KDM7A: variants seen among roughly 807,000 people sequenced by gnomAD.
KDM7A encodes lysine demethylase 7A.
KDM7A carries 28 observed loss-of-function variants against 114.8 expected under a neutral mutation model. The observed-to-expected ratio is 0.24, with a 90% CI of 0.18 to 0.33. The LOEUF (loss-of-function observed/expected upper bound fraction) is 0.33, where lower values mean the gene tolerates loss of function less well. Among genes scored for constraint, KDM7A ranks in the 10% least tolerant of loss-of-function variants. KDM7A has a pLI of 1.00. For synonymous variants in KDM7A, 423 were observed against 397.8 expected, an observed-to-expected ratio of 1.06 and a Z score of -0.75; for missense variants, 942 against 1,142.5, an observed-to-expected ratio of 0.82 and a Z score of 2.53.
chr7:140,112,055 TTTG>T (rs2116772971), intron 10 of KDM7A, among the ~76,000 whole-genome samples: 1 of 152,332 alleles, frequency 6.6e-6, no homozygotes, highest in East Asian at 1.9e-4. Context: ...CAACATATGC[TTTG>T]TTTTGTTTTT....
intron 11 of KDM7A, among the ~76,000 whole-genome samples, chr7:140,104,696 C>G (rs569614101): frequency 1.3e-5 from 2 of 152,234 alleles, no homozygotes; most frequent in Admixed American, 6.5e-5. Context: ...GTTACTGTAG[C>G]CTTGTAGTAT....
chr7:140,136,838 T>C (rs912091733), intron 2 of KDM7A, among the ~76,000 whole-genome samples: 2 of 151,934 alleles, frequency 1.3e-5, no homozygotes, highest in African/African-American at 4.8e-5. Context: ...AATACAAAAA[T>C]TAGCCAGGTG....
chr7:140,167,928 A>C (rs1794596304), intron 1 of KDM7A, among the ~76,000 whole-genome samples: 1 of 152,170 alleles, frequency 6.6e-6, no homozygotes, highest in Non-Finnish European at 1.5e-5. Flanking sequence ...GGGACAAAGG[A>C]CTAAAAGCTT....
At chr7:140,116,681 C>G (rs1305022910) in intron 9 of KDM7A, among the ~76,000 whole-genome samples, 1 of 152,004 alleles carries the variant, frequency 6.6e-6, no homozygotes, top group Non-Finnish European at 1.5e-5. Context: ...TCTATATAAT[C>G]AACTATTTTA....
At chr7:140,127,162 T>C (rs1286354796) in intron 5 of KDM7A, among the ~76,000 whole-genome samples, 1 of 152,218 alleles carries the variant, frequency 6.6e-6, no homozygotes, top group Non-Finnish European at 1.5e-5. Flanking sequence ...GGTTACGCCA[T>C]GTTGGCCAGG....
intron 1 of KDM7A, among the ~76,000 whole-genome samples, chr7:140,164,590 CAAAT>C (rs1197811526): frequency 6.6e-6 from 1 of 152,008 alleles, no homozygotes; most frequent in Non-Finnish European, 1.5e-5. Flanking sequence ...TTGATTCAAA[CAAAT>C]AGTGAAAAAA....
Position 140,176,618 on chromosome 7 carries a change from C to T in KDM7A, c.194+126G>A, listed in dbSNP as rs1794712662. 2.9e-6 allele frequency: 2 copies of T among 679,634 alleles called. No homozygotes were observed. The highest frequency in any genetic ancestry group is 3.6e-6 in the Non-Finnish European group (2 of 551,256). 42.1% of individuals were successfully genotyped at this position (679,634 alleles called of 1,614,324 possible). ...ACTGCCCGGCCGGGGGGCTAGGCAC[C>T]GGGGCCCCCTGAAAGCTGGGCGCGG... On this transcript the variant is annotated intron_variant, in intron 1 of 19. Transcript: ENST00000397560. This position sits in a 1 kb window ranked among gnomAD's most constrained non-coding sequence, Gnocchi z 4.4.
In KDM7A at chr7:140,124,666, A is replaced by G; in HGVS notation, c.1006T>C (p.Tyr336His). The change falls in exon 7 of 20, where the codon TAC becomes CAC. Residue 336 changes from tyrosine to histidine, a missense_variant. Transcript: ENST00000397560. ...VFFGDKVDKC[Y>H]KCVVKQGHTL... Reference sequence around the variant, plus strand: ...TGTCCCTGCTTTACCACACATTTGTAGCATTTATCCACCTTATCTCCAAAG... The same window carrying G: ...TGTCCCTGCTTTACCACACATTTGTGGCATTTATCCACCTTATCTCCAAAG... 1.9e-6 allele frequency: 3 copies of G among 1,613,780 alleles called. No homozygotes were observed. The highest frequency in any genetic ancestry group is 2.5e-6 in the Non-Finnish European group (3 of 1,179,862).
chr7:140,158,726 C>T (rs935877614), intron 1 of KDM7A, among the ~76,000 whole-genome samples: 10 of 152,168 alleles, frequency 6.6e-5, no homozygotes, highest in African/African-American at 2.4e-4. Context: ...GAAGCAATTG[C>T]AGTTAAGAAC....
rs751998980 is a variant in KDM7A at position 140,101,905 on chromosome 7, AG to A, written c.1638+45del. On this transcript the variant is annotated intron_variant, in intron 12 of 19. Transcript: ENST00000397560. ...TCTTATTATCCCTATAAAGACTTTA[AG>A]GAACAGCCAAGTTTCTTTTTGTTGT... 2.3e-6 allele frequency: 3 copies of A among 1,287,138 alleles called. No homozygotes were observed. The African/African-American group carries it at 4.4e-5, about 19-fold the overall frequency. The allele number at this position is 1,287,138 out of a possible 1,614,324, so 79.7% of individuals were successfully genotyped here.
chr7:140,125,909 T>G (rs1490160087), intron 6 of KDM7A, among the ~76,000 whole-genome samples: 1 of 148,160 alleles, frequency 6.7e-6, no homozygotes, highest in African/African-American at 2.5e-5. Context: ...CTACTTTTTT[T>G]ATTTTTATTT....
chr7:140,089,466 A>G lies in KDM7A; in HGVS notation c.*1628T>C, dbSNP rs1336925606. On this transcript the variant is annotated 3_prime_UTR_variant, in exon 20 of 20. Coordinates refer to ENST00000397560, the MANE Select transcript of KDM7A (RefSeq NM_030647.2). ...AAGTGATACTTAATAGAGAAGGGTA[A>G]GTCCTGCTATCTTGCTGAGTAAAAA... 1 of 152,176 alleles carries G rather than the reference A, an allele frequency of 6.6e-6. No individual in the cohort carries two copies. The highest frequency in any genetic ancestry group is 2.4e-5 in the African/African-American group (1 of 41,444). The allele number at this position is 152,176 out of a possible 1,614,324, so 9.4% of individuals were successfully genotyped here. A position where few individuals can be genotyped will look rare whatever the true frequency, so the allele number is the denominator to read the frequency against.
intron 9 of KDM7A, 59 bp from the exon 10 acceptor site, chr7:140,113,641 G>A (rs1818468049): frequency 8.2e-6 from 7 of 855,644 alleles, no homozygotes; most frequent in East Asian, 2.6e-5. Flanking sequence ...AAAGTTAAAG[G>A]GATTAACTTC....
At chr7:140,143,096 C>T (rs552331578) in intron 1 of KDM7A, among the ~76,000 whole-genome samples, 16 of 149,184 alleles carry the variant, frequency 1.1e-4, no homozygotes, top group Non-Finnish European at 2.4e-4. Context: ...AGGAGAACGG[C>T]ATGAACTCGG....
intron 9 of KDM7A, 84 bp downstream of exon 9, chr7:140,119,029 G>A: frequency 1.3e-6 from 1 of 746,032 alleles, no homozygotes; most frequent in Non-Finnish European, 2.3e-6. Flanking sequence ...TACTAGAAAA[G>A]GGACTCTTTC....
In KDM7A at chr7:140,127,457, T is replaced by A; in HGVS notation, c.686A>T (p.Glu229Val). The stretch of plus-strand genomic sequence containing the variant: ...AACTACTCACTTTGTATCTGAAAAT[T>A]CAAGGCTGATCACATTTAACACTTT... ...RPKVLNVISL[E>V]FSDTKMSELV... The change falls in exon 5 of 20, where the codon GAA becomes GTA. Residue 229 changes from glutamate to valine, a missense_variant. By Grantham distance (121) the Glu-to-Val change is moderately radical. Coordinates refer to ENST00000397560, the MANE Select transcript of KDM7A (RefSeq NM_030647.2). The A allele has an allele frequency of 1.2e-6, 2 of 1,613,086 alleles. No individual in the cohort carries two copies. Among genetic ancestry groups the A allele is most frequent in the Non-Finnish European group, 1.7e-6 (2 of 1,179,694 alleles).
At chr7:140,159,463 A>G (rs753583724) in intron 1 of KDM7A, among the ~76,000 whole-genome samples, 6 of 152,210 alleles carry the variant, frequency 3.9e-5, no homozygotes, top group Non-Finnish European at 7.3e-5. Context: ...CCTTGAATGG[A>G]TGAGTGGATG....
chr7:140,113,431 ACT>A (rs879370647), intron 10 of KDM7A, 58 bp downstream of exon 10: 27 of 988,586 alleles, frequency 2.7e-5, no homozygotes, highest in Non-Finnish European at 4.1e-5. Flanking sequence ...TAGCACAAGG[ACT>A]CTGTTTTCCT....
chr7:140,092,145 C>A (rs1466232864), intron 18 of KDM7A, 68 bp from the exon 19 acceptor site: 20 of 1,460,784 alleles, frequency 1.4e-5, no homozygotes, highest in Non-Finnish European at 9.5e-7. Context: ...GCTCTCTATG[C>A]ATTGGCAAAG....
Sources: gnomAD v4.1 joint callset for allele counts (sites outside exome capture counted in the v4.1 genomes callset) on GRCh38, gnomAD v4.1.1 for gene constraint, Gnocchi (gnomAD v3.1) non-coding constraint, MANE v1.5 for transcripts, NCBI Gene and HGNC (gene_info 2026-07-23, HGNC 2026-07-21) for gene names.